The following CDC42BPA variants were observed in gnomAD, a reference collection of about 807,000 sequenced individuals.
The protein encoded by CDC42BPA is serine/threonine-protein kinase MRCK alpha.
CDC42BPA carries 80 observed loss-of-function variants against 223.5 expected under a neutral mutation model. That is an observed-to-expected ratio of 0.36 (90% CI 0.30 to 0.43). CDC42BPA has a LOEUF of 0.43. Ranked by LOEUF, CDC42BPA falls within the 20% of genes least tolerant of loss-of-function variation. The pLI, the probability that CDC42BPA is intolerant of heterozygous loss-of-function variation, is 1.00. For missense variants in CDC42BPA, 1,743 were observed against 2,099.9 expected (o/e 0.83, Z 3.32); for synonymous variants, 694 against 718.6 (o/e 0.97, Z 0.55).
At chr1:227,081,869 T>C (rs887829110) in intron 16 of CDC42BPA, among the ~76,000 whole-genome samples, 1 of 152,220 alleles carries the variant, frequency 6.6e-6, no homozygotes, top group Non-Finnish European at 1.5e-5. Context: ...AGGATCTCTC[T>C]TTTAAAATAT....
intron 2 of CDC42BPA, among the ~76,000 whole-genome samples, chr1:227,216,573 T>C (rs1674895097): frequency 6.6e-6 from 1 of 152,296 alleles, no homozygotes; most frequent in African/African-American, 2.4e-5. Context: ...AGTAATACAA[T>C]AAAATCAAAC....
At chr1:227,046,052 C>T (rs1357812527) in intron 23 of CDC42BPA, among the ~76,000 whole-genome samples, 3 of 152,124 alleles carry the variant, frequency 2.0e-5, no homozygotes, top group South Asian at 2.1e-4. Flanking sequence ...GCAATCAGCC[C>T]GCCTAAGCCT....
intron 6 of CDC42BPA, among the ~76,000 whole-genome samples, chr1:227,152,569 G>A (rs768248550): frequency 6.6e-6 from 1 of 152,010 alleles, no homozygotes; most frequent in Non-Finnish European, 1.5e-5. Flanking sequence ...TCCAAACAAA[G>A]AGAAATTTAA....
At chr1:227,037,672 G>C (rs1319897559) in intron 24 of CDC42BPA, among the ~76,000 whole-genome samples, 1 of 152,182 alleles carries the variant, frequency 6.6e-6, no homozygotes, top group African/African-American at 2.4e-5. Flanking sequence ...CAGCAGAAGA[G>C]ACAGGAAATG....
intron 5 of CDC42BPA, among the ~76,000 whole-genome samples, chr1:227,187,851 G>A (rs747775246): frequency 6.6e-6 from 1 of 151,520 alleles, no homozygotes; most frequent in African/African-American, 2.4e-5. Flanking sequence ...CAAGTAAGAA[G>A]AGAGTGAAGT....
chr1:227,166,489 A>G (rs1370238983), intron 5 of CDC42BPA, among the ~76,000 whole-genome samples: 5 of 152,246 alleles, frequency 3.3e-5, no homozygotes, highest in African/African-American at 1.2e-4. Context: ...TAAAACTTAC[A>G]TAAATTCACA....
chr1:227,172,926 C>A (rs1425219749), intron 5 of CDC42BPA, among the ~76,000 whole-genome samples: 1 of 152,040 alleles, frequency 6.6e-6, no homozygotes, highest in Non-Finnish European at 1.5e-5. Context: ...TACAGTATAG[C>A]CAATAGCATC....
intron 3 of CDC42BPA, among the ~76,000 whole-genome samples, chr1:227,201,373 ACTG>A (rs1377697602): frequency 6.6e-6 from 1 of 152,024 alleles, no homozygotes; most frequent in Non-Finnish European, 1.5e-5. Context: ...GTCTCATACT[ACTG>A]GGCTCAAGCA....
At chr1:227,268,820 C>T (rs1175552515) in intron 1 of CDC42BPA, among the ~76,000 whole-genome samples, 2 of 151,544 alleles carry the variant, frequency 1.3e-5, no homozygotes, top group African/African-American at 4.9e-5. Context: ...CAAGTAGCTG[C>T]GACTACAGGC....
At chr1:227,118,971 T>C (rs1336254996) in intron 12 of CDC42BPA, among the ~76,000 whole-genome samples, 1 of 152,002 alleles carries the variant, frequency 6.6e-6, no homozygotes, top group African/African-American at 2.4e-5. Flanking sequence ...CAGCTAAAGG[T>C]TATTTGTTTT....
chr1:227,296,967 TAAC>T (rs1690755735), intron 1 of CDC42BPA, among the ~76,000 whole-genome samples: 1 of 152,148 alleles, frequency 6.6e-6, no homozygotes, highest in South Asian at 2.1e-4. Context: ...TGAAGAACTC[TAAC>T]AACAAAAGAT....
At chr1:227,313,088 A>T (rs893027579) in intron 1 of CDC42BPA, among the ~76,000 whole-genome samples, 3 of 152,208 alleles carry the variant, frequency 2.0e-5, no homozygotes, top group Non-Finnish European at 4.4e-5. Context: ...AGCAATACAT[A>T]AAATAAAAAG....
intron 16 of CDC42BPA, among the ~76,000 whole-genome samples, chr1:227,089,252 T>C (rs985511318): frequency 1.3e-5 from 2 of 152,158 alleles, no homozygotes; most frequent in Admixed American, 6.5e-5. Context: ...AATGGAACAG[T>C]TGGTGTAGCA....
intron 5 of CDC42BPA, among the ~76,000 whole-genome samples, chr1:227,170,301 C>T (rs1044028301): frequency 2.0e-5 from 3 of 152,060 alleles, no homozygotes; most frequent in South Asian, 2.1e-4. Context: ...TGGCTGAACT[C>T]CCAACTGATG....
At chr1:227,237,815 C>T (rs1460111830) in intron 2 of CDC42BPA, among the ~76,000 whole-genome samples, 9 of 149,712 alleles carry the variant, frequency 6.0e-5, no homozygotes, top group African/African-American at 1.5e-4. Context: ...CCGAGGCGGG[C>T]GGATCACCTG....
intron 34 of CDC42BPA, among the ~76,000 whole-genome samples, chr1:227,013,551 A>G (rs772043169): frequency 3.3e-5 from 5 of 152,114 alleles, no homozygotes; most frequent in Non-Finnish European, 5.9e-5. Flanking sequence ...CTGGAACATT[A>G]GCAAACTGAT....
intron 3 of CDC42BPA, among the ~76,000 whole-genome samples, chr1:227,210,727 G>T (rs758940943): frequency 6.6e-6 from 1 of 152,124 alleles, no homozygotes; most frequent in African/African-American, 2.4e-5. Flanking sequence ...GACTACAGTT[G>T]TTATTTCTGC....
intron 15 of CDC42BPA, among the ~76,000 whole-genome samples, chr1:227,096,966 A>G (rs543590570): frequency 6.6e-6 from 1 of 152,268 alleles, no homozygotes; most frequent in East Asian, 1.9e-4. Context: ...CACACAGACA[A>G]GTTCCCACCA....
chr1:227,199,764 ATAT>A (rs1572308216), intron 3 of CDC42BPA, 112 bp from the exon 4 acceptor site: 1 of 565,678 alleles, frequency 1.8e-6, no homozygotes, highest in Non-Finnish European at 3.1e-6. Context: ...AATACACCTG[ATAT>A]TATAAGACAT....
Sources: gnomAD v4.1 joint callset for allele counts (sites outside exome capture counted in the v4.1 genomes callset) on GRCh38, gnomAD v4.1.1 for gene constraint, MANE v1.5 for transcripts, NCBI Gene and HGNC (gene_info 2026-07-23, HGNC 2026-07-21) for gene names.